SH3GL2: variants seen among roughly 807,000 people sequenced by gnomAD.
SH3GL2 encodes the protein endophilin-A1.
In SH3GL2, 24 loss-of-function variants were observed where a neutral mutation model predicts 46.0. The ratio of observed to expected loss-of-function variants is 0.52; its 90% CI spans 0.38 to 0.73. SH3GL2 has a LOEUF of 0.73. Ranked by LOEUF, SH3GL2 falls within the 30% of genes least tolerant of loss-of-function variation. SH3GL2 has a pLI of 0.00. For missense variants in SH3GL2, 413 were observed against 424.2 expected, an observed-to-expected ratio of 0.97 and a Z score of 0.23; for synonymous variants, 196 against 147.1, an observed-to-expected ratio of 1.33 and a Z score of -2.40.
rs1824120983 is a variant in SH3GL2, at chr9:17,791,306, C to G, written c.700C>G (p.Gln234Glu). Residue 234 changes from glutamine (Q) to glutamate (E), a missense_variant, in exon 7 of 9, where the codon CAG becomes GAG. Transcript: ENST00000380607. The part of the protein sequence containing the change: ...EYHKQAVQIL[Q>E]QVTVRLEERI... ...CCACAAGCAGGCAGTCCAGATCCTG[C>G]AGCAAGTCACGGTCAGACTGGAAGA... 6.2e-7 allele frequency: 1 copy of G among 1,612,584 alleles called. No homozygotes were observed. Among genetic ancestry groups the G allele is most frequent in the East Asian group, 2.2e-5 (1 of 44,868 alleles).
At chr9:17,712,454 G>C (rs1821651790) in intron 1 of SH3GL2, among the ~76,000 whole-genome samples, 1 of 151,716 alleles carries the variant, frequency 6.6e-6, no homozygotes, top group Admixed American at 6.6e-5. Flanking sequence ...ATTATAGGTA[G>C]ACCTGTGATC....
At chr9:17,706,782 G>A (rs1821483114) in intron 1 of SH3GL2, among the ~76,000 whole-genome samples, 1 of 151,812 alleles carries the variant, frequency 6.6e-6, no homozygotes. Flanking sequence ...TGATATCTAA[G>A]ACTAATCTTA....
At chr9:17,789,290 C>G (rs531496353) in intron 5 of SH3GL2, 102 bp from the exon 6 acceptor site, 14 of 904,954 alleles carry the variant, frequency 1.5e-5, no homozygotes, top group South Asian at 3.3e-5. Context: ...AAAACTTAGC[C>G]TATCTTAATT....
intron 1 of SH3GL2, among the ~76,000 whole-genome samples, chr9:17,583,902 G>T (rs1312388807): frequency 6.6e-6 from 1 of 152,092 alleles, no homozygotes; most frequent in African/African-American, 2.4e-5. Context: ...CTAAGTATTG[G>T]ATTAAATATC....
At chr9:17,709,170 A>G (rs1297248281) in intron 1 of SH3GL2, among the ~76,000 whole-genome samples, 2 of 152,036 alleles carry the variant, frequency 1.3e-5, no homozygotes, top group Non-Finnish European at 2.9e-5. Context: ...AGTGTTTCCC[A>G]GGGCTTGCTT....
chr9:17,704,942 C>G (rs1025017120), intron 1 of SH3GL2, among the ~76,000 whole-genome samples: 1 of 151,498 alleles, frequency 6.6e-6, no homozygotes, highest in East Asian at 1.9e-4. Flanking sequence ...AAATAGAGAT[C>G]TTCTGCACAG....
At chr9:17,621,355 C>A (rs1267440432) in intron 1 of SH3GL2, among the ~76,000 whole-genome samples, 1 of 152,204 alleles carries the variant, frequency 6.6e-6, no homozygotes, top group Non-Finnish European at 1.5e-5. Flanking sequence ...TAATTTATGT[C>A]CGCAACTACG....
chr9:17,761,626 T>C (rs1823178362), intron 3 of SH3GL2, 117 bp downstream of exon 3: 7 of 787,972 alleles, frequency 8.9e-6, no homozygotes, highest in South Asian at 5.4e-5. Flanking sequence ...CGGTCCACTT[T>C]TCTGAGAGGT....
intron 1 of SH3GL2, among the ~76,000 whole-genome samples, chr9:17,647,556 C>G (rs1271223258): frequency 1.3e-5 from 2 of 152,150 alleles, no homozygotes; most frequent in Admixed American, 1.3e-4. Flanking sequence ...AAAGCCTCAC[C>G]TTTCTCATCT....
intron 3 of SH3GL2, among the ~76,000 whole-genome samples, chr9:17,783,956 T>C (rs967005466): frequency 3.9e-5 from 6 of 152,204 alleles, no homozygotes; most frequent in Non-Finnish European, 5.9e-5. Flanking sequence ...AAAGTACTGC[T>C]TCAAACAATC....
chr9:17,663,220 T>C (rs1820265618), intron 1 of SH3GL2, among the ~76,000 whole-genome samples: 1 of 152,198 alleles, frequency 6.6e-6, no homozygotes, highest in Non-Finnish European at 1.5e-5. Flanking sequence ...GCTGGAAAAA[T>C]ACCCCAGCTG....
intron 1 of SH3GL2, among the ~76,000 whole-genome samples, chr9:17,673,510 C>G (rs910827148): frequency 6.6e-6 from 1 of 151,950 alleles, no homozygotes; most frequent in Non-Finnish European, 1.5e-5. Flanking sequence ...ATCTTCTATA[C>G]GCAACCATGA....
At chr9:17,647,066 C>T (rs1412634893) in intron 1 of SH3GL2, among the ~76,000 whole-genome samples, 1 of 152,178 alleles carries the variant, frequency 6.6e-6, no homozygotes, top group Non-Finnish European at 1.5e-5. Context: ...CTCAGAGATG[C>T]CCTGCCCAGA....
At chr9:17,605,392 A>C (rs1047959777) in intron 1 of SH3GL2, among the ~76,000 whole-genome samples, 1 of 152,150 alleles carries the variant, frequency 6.6e-6, no homozygotes, top group Admixed American at 6.5e-5. Context: ...GGAAGACTTC[A>C]TCCGAAATTG....
intron 1 of SH3GL2, among the ~76,000 whole-genome samples, chr9:17,621,564 G>C (rs1351629076): frequency 6.6e-6 from 1 of 152,186 alleles, no homozygotes; most frequent in East Asian, 1.9e-4. Flanking sequence ...GATATAATCA[G>C]ATAAGAGAGG....
intron 1 of SH3GL2, among the ~76,000 whole-genome samples, chr9:17,606,771 A>G (rs1437960859): frequency 6.6e-6 from 1 of 152,186 alleles, no homozygotes; most frequent in East Asian, 1.9e-4. Context: ...GTTGTTCCAT[A>G]TCCTGCAGTG....
rs139053222 is a variant in SH3GL2 at position 17,642,666 on chromosome 9, T to C, written c.45+63379T>C. ...TTGTCAAAGATCAGATTGTTGCAGA[T>C]GTGCGGTGCTATTTCTGAGGGCTCT... On this transcript the variant is annotated intron_variant, in intron 1 of 8. Transcript: ENST00000380607. Among the ~76,000 whole-genome samples the C allele has an allele frequency of 8.4e-3, 1,283 of 152,328 alleles. 12 individuals carry two copies. Among genetic ancestry groups the C allele is most frequent in the Middle Eastern group, 0.017 (5 of 294 alleles).
chr9:17,688,606 G>A (rs1820989831), intron 1 of SH3GL2, among the ~76,000 whole-genome samples: 2 of 152,016 alleles, frequency 1.3e-5, no homozygotes, highest in African/African-American at 4.8e-5. Flanking sequence ...AAGCATGCAA[G>A]ATGAGCCTGG....
At chr9:17,724,494 G>T (rs1291767649) in intron 1 of SH3GL2, among the ~76,000 whole-genome samples, 1 of 152,050 alleles carries the variant, frequency 6.6e-6, no homozygotes, top group African/African-American at 2.4e-5. Context: ...CCCTGAAAAG[G>T]AAGTGTCTGT....
Sources: gnomAD v4.1 joint callset for allele counts (sites outside exome capture counted in the v4.1 genomes callset) on GRCh38, gnomAD v4.1.1 for gene constraint, MANE v1.5 for transcripts, NCBI Gene and HGNC (gene_info 2026-07-23, HGNC 2026-07-21) for gene names.